Variants in PCDHA2 observed in about 807,000 individuals in gnomAD.
The protein encoded by PCDHA2 is protocadherin alpha 2.
In PCDHA2, 58 loss-of-function variants were observed where a neutral mutation model predicts 66.0. The observed-to-expected ratio is 0.88, with a 90% CI of 0.71 to 1.09. The LOEUF is 1.09. PCDHA2 is among the 50% of genes least tolerant of loss of function. PCDHA2 has a pLI of 0.00. For missense variants in PCDHA2, 1,267 were observed against 1,242.3 expected (o/e 1.02, Z -0.30); for synonymous variants, 634 against 554.0 (o/e 1.14, Z -2.03).
At chr5:140,898,720 T>C (rs1343662110) in intron 1 of PCDHA2, among the ~76,000 whole-genome samples, 5 of 152,214 alleles carry the variant, frequency 3.3e-5, no homozygotes, top group African/African-American at 4.8e-5. Flanking sequence ...TTTCCAATTC[T>C]GTGAAGAAAG....
chr5:140,803,913 C>T, intron 1 of PCDHA2: 2 of 500,064 alleles, frequency 4.0e-6, no homozygotes, highest in South Asian at 2.5e-5. Flanking sequence ...AATCTGACTT[C>T]GACTTGTTTT....
intron 1 of PCDHA2, among the ~76,000 whole-genome samples, chr5:140,899,342 C>T (rs1317774028): frequency 6.6e-6 from 1 of 152,044 alleles, no homozygotes; most frequent in African/African-American, 2.4e-5. Context: ...ATAGATAGCT[C>T]TTATTATTTT....
chr5:140,797,112 G>C lies in PCDHA2; in HGVS notation c.2148G>C (p.Leu716=), dbSNP rs782227076. The C allele has an allele frequency of 6.2e-7, 1 of 1,614,032 alleles. No individual in the cohort carries two copies. The highest frequency in any genetic ancestry group is 2.2e-5 in the East Asian group (1 of 44,876). ...AVSSLLVLTV[L]LYTALRCSVP... ...CCAGCCTGTTGGTGCTCACGGTGCT[G>C]CTGTACACTGCGCTGCGGTGCTCGG... is the stretch of plus-strand genomic sequence containing the variant. The change falls in exon 1 of 4, where the codon CTG becomes CTC. Residue 716 remains leucine (L), a synonymous_variant. Transcript: ENST00000526136.
At position 140,927,227 on chromosome 5, in the gene PCDHA2, T is replaced by G. The variant is rs782721972; in HGVS notation, c.2389-51722T>G. The G allele has an allele frequency of 3.2e-5, 51 of 1,613,848 alleles. No individual in the cohort carries two copies. The highest frequency in any genetic ancestry group is 1.6e-4 in the Middle Eastern group (1 of 6,084). ...CCGCTGGAGCTGCACAAGATTCGGA[T>G]TCACGTCCTGGACACCAATGACAAC... On this transcript the variant is annotated intron_variant, in intron 1 of 3. Coordinates refer to ENST00000526136, the MANE Select transcript of PCDHA2 (RefSeq NM_018905.3).
Position 140,796,018 on chromosome 5 carries a change from A to G in PCDHA2, c.1054A>G (p.Ile352Val), listed in dbSNP as rs782572566. ...DINDNTPEVSITSLSLPISEN... is the reference protein window; with the variant it reads ...DINDNTPEVSVTSLSLPISEN... Reference sequence around the variant, plus strand: ...CAATGATAACACACCAGAAGTCTCAATAACGTCTCTCTCACTTCCCATCTC... The same window carrying G: ...CAATGATAACACACCAGAAGTCTCAGTAACGTCTCTCTCACTTCCCATCTC... The change falls in exon 1 of 4, where the codon ATA becomes GTA. Residue 352 changes from isoleucine (I) to valine (V), a missense_variant. By Grantham distance (29) the Ile-to-Val change is conservative (BLOSUM62 3). Coordinates refer to ENST00000526136, the MANE Select transcript of PCDHA2 (RefSeq NM_018905.3). 6 of 1,614,192 alleles carry G rather than the reference A, an allele frequency of 3.7e-6. No homozygotes were observed. The Admixed American group carries it at 6.7e-5, about 18-fold the overall frequency.
rs1762149478 is a variant in PCDHA2 at position 140,796,860 on chromosome 5, CACG to C, written c.1899_1901del (p.Thr634del). 6.2e-7 allele frequency: 1 copy of C among 1,613,970 alleles called. No individual in the cohort carries two copies. Among genetic ancestry groups the C allele is most frequent in the South Asian group, 1.1e-5 (1 of 91,090 alleles). Reference sequence around the variant, plus strand: ...TGGGGCTATACACGGGTGAGATCAGCACGACACGTGCCCTAGACGAGGCTGACT... The same window carrying C: ...TGGGGCTATACACGGGTGAGATCAGCACACGTGCCCTAGACGAGGCTGACT... On this transcript the variant is annotated inframe_deletion, in exon 1 of 4. Transcript: ENST00000526136.
At position 140,849,753 on chromosome 5, in the gene PCDHA2, G is replaced by A. The variant is rs1294538786; in HGVS notation, c.2388+52401G>A. 17 of 1,598,282 alleles carry A rather than the reference G, an allele frequency of 1.1e-5. 1 individual carries two copies. Among genetic ancestry groups the A allele is most frequent in the Non-Finnish European group, 1.4e-5 (16 of 1,167,970 alleles). ...AGCTCTGGACCGCGAGAGTGTGTCC[G>A]CCTACGAGCTGGTGGTTACCGCGCG... On this transcript the variant is annotated intron_variant, in intron 1 of 3. Coordinates refer to ENST00000526136, the MANE Select transcript of PCDHA2 (RefSeq NM_018905.3).
chr5:140,835,130 G>A, intron 1 of PCDHA2: 1 of 1,362,542 alleles, frequency 7.3e-7, no homozygotes, highest in Non-Finnish European at 1.0e-6. Flanking sequence ...TGTATACGGT[G>A]AAATTACCAG....
At chr5:140,856,473 C>T (rs1471191080) in intron 1 of PCDHA2, 2 of 1,598,372 alleles carry the variant, frequency 1.3e-6, no homozygotes. Flanking sequence ...CTCTCAATAC[C>T]TGAATCCAGA....
At chr5:140,836,475 G>C in intron 1 of PCDHA2, 1 of 1,613,846 alleles carries the variant, frequency 6.2e-7, no homozygotes, top group Non-Finnish European at 8.5e-7. Context: ...GGATGTCAAC[G>C]TGTACCTGAT....
chr5:140,894,375 T>A (rs1246573357), intron 1 of PCDHA2, among the ~76,000 whole-genome samples: 1 of 152,054 alleles, frequency 6.6e-6, no homozygotes, highest in African/African-American at 2.4e-5. Flanking sequence ...ATGGCTCCAA[T>A]TATATTTGTA....
At chr5:140,876,135 A>T (rs782217370) in intron 1 of PCDHA2, 2 of 1,613,954 alleles carry the variant, frequency 1.2e-6, no homozygotes, top group Admixed American at 3.3e-5. Context: ...GTAAACCAGA[A>T]CTAACAGGGT....
rs2150184888 is a variant in PCDHA2, at chr5:140,830,320, C to G, written c.2388+32968C>G. 31 of 1,613,872 alleles carry G rather than the reference C, an allele frequency of 1.9e-5. No homozygotes were observed. The African/African-American group carries it at 2.7e-4, about 14-fold the overall frequency. ...ACAAGCCCACGCTGGTGTGCTCCAGCGCAGTGGGGAGCTGGTCGTACTCGC... is the reference window on the plus strand; with the variant it reads ...ACAAGCCCACGCTGGTGTGCTCCAGGGCAGTGGGGAGCTGGTCGTACTCGC... On this transcript the variant is annotated intron_variant, in intron 1 of 3. Transcript: ENST00000526136.
chr5:140,836,540 G>T (rs2150263388), intron 1 of PCDHA2: 1 of 1,613,776 alleles, frequency 6.2e-7, no homozygotes, highest in East Asian at 2.2e-5. Context: ...TGCTGTACAC[G>T]GCGTTGCGGT....
intron 1 of PCDHA2, chr5:140,870,461 C>A (rs1554164294): frequency 6.8e-6 from 11 of 1,614,128 alleles, no homozygotes; most frequent in Non-Finnish European, 9.3e-6. Context: ...AATGCGCCTG[C>A]GTTCGCACAG....
Position 140,850,105 on chromosome 5 carries a change from C to T in PCDHA2, c.2388+52753C>T, listed in dbSNP as rs1554143759. 1.9e-6 allele frequency: 3 copies of T among 1,596,238 alleles called. No homozygotes were observed. In the East Asian group the frequency reaches 6.7e-5, roughly 36 times the overall value. ...GAGCTGCTACAGTTCCAGGTGAGCG[C>T]GCGCGACGCGGGCGTGCCGCCTCTG... On this transcript the variant is annotated intron_variant, in intron 1 of 3. Coordinates refer to ENST00000526136, the MANE Select transcript of PCDHA2 (RefSeq NM_018905.3).
chr5:140,870,629 T>C, intron 1 of PCDHA2: 2 of 1,612,984 alleles, frequency 1.2e-6, no homozygotes, highest in East Asian at 4.5e-5. Flanking sequence ...TACGTGTCGG[T>C]GCACGCGGAG....
chr5:140,873,989 T>C (rs1264143469), intron 1 of PCDHA2, among the ~76,000 whole-genome samples: 3 of 152,222 alleles, frequency 2.0e-5, no homozygotes, highest in African/African-American at 7.2e-5. Context: ...TTCCTTAGCA[T>C]GTATGGTACA....
chr5:140,835,647 G>A, intron 1 of PCDHA2: 1 of 1,613,958 alleles, frequency 6.2e-7, no homozygotes, highest in Non-Finnish European at 8.5e-7. Context: ...GTCCGCCTAT[G>A]AGCTGGTGGT....
Sources: allele counts gnomAD v4.1 joint callset (sites outside exome capture counted in the v4.1 genomes callset), GRCh38; gene constraint gnomAD v4.1.1; transcripts MANE v1.5; gene names NCBI Gene and HGNC (gene_info 2026-07-23, HGNC 2026-07-21).